Variants in LIPN observed in about 807,000 individuals in gnomAD.
LIPN encodes the protein lipase family member N.
In LIPN, 32 loss-of-function variants were observed where a neutral mutation model predicts 43.7. The ratio of observed to expected loss-of-function variants is 0.73; its 90% confidence interval spans 0.55 to 0.98. The LOEUF (loss-of-function observed/expected upper bound fraction) is 0.98, where lower values mean the gene tolerates loss of function less well. Ranked by LOEUF, LIPN falls within the 50% of genes least tolerant of loss-of-function variation. LIPN has a pLI of 0.00. For missense variants in LIPN, 505 were observed against 483.8 expected (o/e 1.04, Z -0.41); for synonymous variants, 156 against 157.6 (o/e 0.99, Z 0.08).
chr10:88,765,421 A>G (rs1021117939), intron 4 of LIPN, among the ~76,000 whole-genome samples: 4 of 151,898 alleles, frequency 2.6e-5, no homozygotes, highest in African/African-American at 9.7e-5. Context: ...TTATAGTCTG[A>G]GTTCTTGGGC....
intron 7 of LIPN, among the ~76,000 whole-genome samples, chr10:88,771,661 T>G (rs1843211451): frequency 6.6e-6 from 1 of 151,892 alleles, no homozygotes; most frequent in Non-Finnish European, 1.5e-5. Flanking sequence ...GATGGACACT[T>G]AGGCTGATTT....
intron 7 of LIPN, among the ~76,000 whole-genome samples, chr10:88,773,046 G>A (rs575852204): frequency 6.6e-6 from 1 of 151,510 alleles, no homozygotes; most frequent in East Asian, 1.9e-4. Context: ...TGGATTGCAA[G>A]AATCAATATT....
chr10:88,773,600 G>A (rs1054985519), intron 7 of LIPN, among the ~76,000 whole-genome samples: 6 of 151,814 alleles, frequency 4.0e-5, no homozygotes, highest in Non-Finnish European at 7.4e-5. Context: ...GAAGAAGGAG[G>A]AGGAAGAGTT....
chr10:88,778,521 G>A lies in LIPN; in HGVS notation c.*279G>A, dbSNP rs1843335967. ...AAGTCTAATTAAATTGTAATTTTTA[G>A]GGCATACCATGAAGTATAGAAATGT... On this transcript the variant is annotated 3_prime_UTR_variant, in exon 10 of 10. Transcript: ENST00000404459. Among the ~76,000 whole-genome samples, 1 of 152,078 alleles carries A rather than the reference G, an allele frequency of 6.6e-6. No homozygotes were observed. Among genetic ancestry groups the A allele is most frequent in the Non-Finnish European group, 1.5e-5 (1 of 68,020 alleles).
In LIPN at chr10:88,775,134, G is replaced by T. The variant is rs1334710886; in HGVS notation, c.934G>T (p.Asp312Tyr). The T allele has an allele frequency of 6.5e-6, 10 of 1,546,472 alleles. No homozygotes were observed. Among genetic ancestry groups the T allele is most frequent in the Non-Finnish European group, 8.7e-6 (10 of 1,143,504 alleles). ...ATTCAGAGCTTATGACTGGGGAAAT[G>T]ACGCTGATAATATGAAACATTACAA... ...DEFRAYDWGN[D>Y]ADNMKHYNQS... Residue 312 changes from aspartate to tyrosine, a missense_variant, in exon 9 of 10, where the codon GAC (aspartate) becomes TAC (tyrosine). Asp to Tyr is a radical substitution (Grantham distance 160). Transcript: ENST00000404459.
intron 6 of LIPN, among the ~76,000 whole-genome samples, chr10:88,770,403 T>C (rs370117): frequency 0.18 from 27,743 of 151,676 alleles, 2,607 homozygotes; most frequent in Non-Finnish European, 0.21. Context: ...TAAGAAAAAC[T>C]GTTCTACATT....
intron 3 of LIPN, among the ~76,000 whole-genome samples, chr10:88,764,110 G>A (rs1843048096): frequency 6.6e-6 from 1 of 151,832 alleles, no homozygotes; most frequent in Middle Eastern, 3.2e-3. Context: ...ACAAAATGAG[G>A]TTTCTCAAAA....
Position 88,778,105 on chromosome 10 carries a change from A to G in LIPN, c.1060A>G (p.Arg354Gly), listed in dbSNP as rs1027308121. ...CCTCGTAACACCCCAGGATGTGGCC[A>G]GGATACTCCCTCAAATCAAGAGTCT... ...DVLVTPQDVA[R>G]ILPQIKSLHY... Residue 354 changes from arginine to glycine, a missense_variant, in exon 10 of 10, where the codon AGG becomes GGG. Coordinates refer to ENST00000404459, the MANE Select transcript of LIPN (RefSeq NM_001102469.2). 6 of 1,613,608 alleles carry G rather than the reference A, an allele frequency of 3.7e-6. No homozygotes were observed. Among genetic ancestry groups the G allele is most frequent in the Middle Eastern group, 1.6e-4 (1 of 6,082 alleles).
At chr10:88,762,146 C>T (rs1201161236) in intron 2 of LIPN, 42 bp from the exon 3 acceptor site, 3 of 1,017,540 alleles carry the variant, frequency 2.9e-6, no homozygotes, top group Non-Finnish European at 3.0e-6. Flanking sequence ...TTTTTATATC[C>T]TTTGGAGAAG....
chr10:88,779,594 TA>T lies in LIPN; in HGVS notation c.*1358del. Among the ~76,000 whole-genome samples, 1 of 152,098 alleles carries T rather than the reference TA, an allele frequency of 6.6e-6. No individual in the cohort carries two copies. Among genetic ancestry groups the T allele is most frequent in the East Asian group, 1.9e-4 (1 of 5,198 alleles). On this transcript the variant is annotated 3_prime_UTR_variant, in exon 10 of 10. Transcript: ENST00000404459. ...GTATATAATGAAAACTGAAGCAATATAAAAAATAAAATTAGTTGTGTCAGGG... is the reference window on the plus strand; with the variant it reads ...GTATATAATGAAAACTGAAGCAATATAAAAATAAAATTAGTTGTGTCAGGG...
chr10:88,762,066 G>A, intron 2 of LIPN, 122 bp from the exon 3 acceptor site: 1 of 506,078 alleles, frequency 2.0e-6, no homozygotes, highest in Non-Finnish European at 3.6e-6. Context: ...TAATTTTACA[G>A]TTACCTGGTG....
intron 7 of LIPN, among the ~76,000 whole-genome samples, chr10:88,771,700 T>C (rs1843212012): frequency 6.6e-6 from 1 of 151,814 alleles, no homozygotes; most frequent in African/African-American, 2.4e-5. Context: ...AATAGTGCTG[T>C]ACTAAACATG....
rs1843342131 is a variant in LIPN at position 88,778,956 on chromosome 10, G to C, written c.*714G>C. On this transcript the variant is annotated 3_prime_UTR_variant, in exon 10 of 10. Coordinates refer to ENST00000404459, the MANE Select transcript of LIPN (RefSeq NM_001102469.2). ...TTTAGCATGTAATGCCCCCTTTACA[G>C]GCTTTTTGTTCTTTGAGGGGTTTGA... is the stretch of plus-strand genomic sequence containing the variant. Among the ~76,000 whole-genome samples the C allele has an allele frequency of 6.6e-6, 1 of 152,076 alleles. No homozygotes were observed. Among genetic ancestry groups the C allele is most frequent in the Admixed American group, 6.5e-5 (1 of 15,274 alleles).
chr10:88,771,872 C>T (rs989651687), intron 7 of LIPN, among the ~76,000 whole-genome samples: 1 of 151,740 alleles, frequency 6.6e-6, no homozygotes, highest in South Asian at 2.1e-4. Flanking sequence ...TTCCTACCAA[C>T]AGTCTGTGCA....
At chr10:88,757,238 C>T (rs377478606), upstream of LIPN, among the ~76,000 whole-genome samples, 3 of 151,984 alleles carry the variant, frequency 2.0e-5, no homozygotes, top group African/African-American at 7.2e-5. Flanking sequence ...AAGCAGGAAG[C>T]GAGGAAGGTA....
At chr10:88,769,129 A>G (rs1373286727) in intron 6 of LIPN, among the ~76,000 whole-genome samples, 1 of 151,888 alleles carries the variant, frequency 6.6e-6, no homozygotes, top group Non-Finnish European at 1.5e-5. Context: ...CTGTAATACA[A>G]TTTACTATAC....
At position 88,768,871 on chromosome 10, in the gene LIPN, CA is replaced by C. The variant is rs1843156626; in HGVS notation, c.618del (p.Lys206AsnfsTer17). On this transcript the variant is annotated frameshift_variant, in exon 6 of 10. Transcript: ENST00000404459. LOFTEE classifies it high-confidence loss of function. ...TTGCCTTGGGTCCTACGATCTCATT[CA>C]AATATCCCACGGGCATTTTTACCAG... ...NFALGPTISF[K>X]YPTGIFTRFF... 7 of 1,611,450 alleles carry C rather than the reference CA, an allele frequency of 4.3e-6. No homozygotes were observed. The highest frequency in any genetic ancestry group is 5.9e-6 in the Non-Finnish European group (7 of 1,178,300).
At chr10:88,767,114 A>AT (rs780745671) in intron 5 of LIPN, among the ~76,000 whole-genome samples, 8 of 151,972 alleles carry the variant, frequency 5.3e-5, no homozygotes, top group Non-Finnish European at 1.0e-4. Context: ...AAAGCTTTGA[A>AT]TTTGTCATTG....
chr10:88,771,637 T>C (rs1784160744), intron 7 of LIPN, among the ~76,000 whole-genome samples: 1 of 151,908 alleles, frequency 6.6e-6, no homozygotes, highest in African/African-American at 2.4e-5. Flanking sequence ...ATTTTATTTA[T>C]CCACTCATCT....
Sources: allele counts gnomAD v4.1 joint callset (sites outside exome capture counted in the v4.1 genomes callset), GRCh38; gene constraint gnomAD v4.1.1; transcripts MANE v1.5; gene names NCBI Gene and HGNC (gene_info 2026-07-23, HGNC 2026-07-21).